Variants in VIPR2 observed in about 807,000 individuals in gnomAD.
VIPR2 encodes vasoactive intestinal peptide receptor 2.
Under a neutral mutation model 58.0 loss-of-function variants are expected in VIPR2, and 48 were observed. That is an observed-to-expected ratio of 0.83 (90% CI 0.66 to 1.05). VIPR2 has a LOEUF of 1.05. Ranked by LOEUF, VIPR2 falls within the 50% of genes least tolerant of loss-of-function variation. The pLI is 0.00. For missense variants in VIPR2, 534 were observed against 558.0 expected (o/e 0.96, Z 0.43); for synonymous variants, 243 against 235.2 (o/e 1.03, Z -0.30).
chr7:159,140,754 C>T (rs1359093057), intron 2 of VIPR2, among the ~76,000 whole-genome samples: 2 of 152,172 alleles, frequency 1.3e-5, no homozygotes, highest in Non-Finnish European at 2.9e-5. Context: ...GACCTGCGGC[C>T]CCTAGCGCCC....
chr7:159,137,864 T>C (rs1424660212), intron 2 of VIPR2, among the ~76,000 whole-genome samples: 1 of 152,172 alleles, frequency 6.6e-6, no homozygotes, highest in Non-Finnish European at 1.5e-5. Context: ...AGGACCTACT[T>C]ATATCAGAAA....
At chr7:159,126,285 C>A (rs1424156247) in intron 2 of VIPR2, among the ~76,000 whole-genome samples, 2 of 152,210 alleles carry the variant, frequency 1.3e-5, no homozygotes, top group Non-Finnish European at 2.9e-5. Flanking sequence ...TACAAATCTA[C>A]CAAATGAAGG....
At chr7:159,094,402 C>T (rs1327872940) in intron 4 of VIPR2, among the ~76,000 whole-genome samples, 1 of 152,250 alleles carries the variant, frequency 6.6e-6, no homozygotes, top group African/African-American at 2.4e-5. Flanking sequence ...AAGCTCAGCC[C>T]TCAGGAGCCC....
In VIPR2 at chr7:159,028,764, C is replaced by T. The variant is rs541301051; in HGVS notation, c.*1852G>A. On this transcript the variant is annotated 3_prime_UTR_variant, in exon 13 of 13. Coordinates refer to ENST00000262178, the MANE Select transcript of VIPR2 (RefSeq NM_003382.5). The stretch of plus-strand genomic sequence containing the variant: ...GCTCCACATGCTCAGCCGTCCTTTC[C>T]TGGGCACCTGGCCTGGGCCGTTTAC... 2 of 153,030 alleles carry T rather than the reference C, an allele frequency of 1.3e-5. No homozygotes were observed. The highest frequency in any genetic ancestry group is 2.4e-5 in the African/African-American group (1 of 41,600). The allele number at this position is 153,030 out of a possible 1,614,324, so 9.5% of individuals were successfully genotyped here.
intron 4 of VIPR2, among the ~76,000 whole-genome samples, chr7:159,085,442 C>G (rs150430880): frequency 6.6e-6 from 1 of 152,138 alleles, no homozygotes; most frequent in African/African-American, 2.4e-5. Context: ...ACTACAGGCA[C>G]GTGCCACCAC....
In VIPR2 at chr7:159,135,004, G is replaced by GTTTTTTGTTTT. The variant is rs1416758329; in HGVS notation, c.151+7441_151+7442insAAAACAAAAAA. On this transcript the variant is annotated intron_variant, in intron 2 of 12. Coordinates refer to ENST00000262178, the MANE Select transcript of VIPR2 (RefSeq NM_003382.5). ...TATTGGTCTTCTCTTAATTACAAAA[G>GTTTTTTGTTTT]TTTTTTTTTTTTTTTTTTTTTTTTT... Among the ~76,000 whole-genome samples, 4 of 65,992 alleles carry GTTTTTTGTTTT rather than the reference G, an allele frequency of 6.1e-5. No individual in the cohort carries two copies. In the Admixed American group the frequency reaches 6.6e-4, roughly 11 times the overall value. 43.3% of individuals were successfully genotyped at this position (65,992 alleles called of 152,430 possible).
At chr7:159,124,668 T>G (rs1417791796) in intron 2 of VIPR2, among the ~76,000 whole-genome samples, 1 of 152,210 alleles carries the variant, frequency 6.6e-6, no homozygotes, top group Non-Finnish European at 1.5e-5. Flanking sequence ...AGTTTTTTTC[T>G]AGTTCTGTGA....
chr7:159,097,103 G>A lies in VIPR2; in HGVS notation c.357+6654C>T, dbSNP rs1211402386. 1 of 1,503,864 alleles carries A rather than the reference G, an allele frequency of 6.6e-7. No homozygotes were observed. 93.2% of individuals were successfully genotyped at this position (1,503,864 alleles called of 1,614,324 possible). ...GGTGTGTCCTTGCAGGGTTGCAGGA[G>A]GGTTGGCGGGATGATCAGATGGTGC... is the stretch of plus-strand genomic sequence containing the variant. On this transcript the variant is annotated intron_variant, in intron 4 of 12. Coordinates refer to ENST00000262178, the MANE Select transcript of VIPR2 (RefSeq NM_003382.5). The surrounding 1 kb of genome is among the most constrained non-coding windows in gnomAD (Gnocchi z 5.3).
chr7:159,109,779 G>A (rs200630543), intron 3 of VIPR2, 33 bp downstream of exon 3: 1 of 1,593,978 alleles, frequency 6.3e-7, no homozygotes, highest in African/African-American at 1.3e-5. Context: ...AAACACCCTG[G>A]AGGAGCTCAG....
chr7:159,117,476 G>A (rs557380585), intron 2 of VIPR2: 15 of 710,262 alleles, frequency 2.1e-5, no homozygotes, highest in Admixed American at 1.6e-4. Context: ...AATGCAGGAC[G>A]TCATCTCAGA....
At position 159,067,005 on chromosome 7, in the gene VIPR2, T is replaced by C. The variant is rs575474078; in HGVS notation, c.358-8427A>G. Among the ~76,000 whole-genome samples the C allele has an allele frequency of 2.3e-3, 349 of 152,326 alleles. 1 individual carries two copies. Among genetic ancestry groups the C allele is most frequent in the African/African-American group, 8.0e-3 (333 of 41,572 alleles). On this transcript the variant is annotated intron_variant, in intron 4 of 12. Coordinates refer to ENST00000262178, the MANE Select transcript of VIPR2 (RefSeq NM_003382.5). ...GGCGCTCTCCAGCACGTGCCTGCCA[T>C]GTGCGGATACTGAGATCGAAGTTAA... is the stretch of plus-strand genomic sequence containing the variant.
intron 4 of VIPR2, among the ~76,000 whole-genome samples, chr7:159,080,236 G>A (rs1037340721): frequency 6.6e-5 from 10 of 152,204 alleles, no homozygotes; most frequent in East Asian, 3.9e-4. Flanking sequence ...CTGGCAAACC[G>A]AATCCAACAA....
chr7:159,053,846 C>A (rs1433661245), intron 5 of VIPR2, among the ~76,000 whole-genome samples: 2 of 152,152 alleles, frequency 1.3e-5, no homozygotes, highest in Admixed American at 1.3e-4. Context: ...ATGCAACCAG[C>A]CTGATTTTTT....
At position 159,031,675 on chromosome 7, in the gene VIPR2, G is replaced by T; in HGVS notation, c.1143+153C>A. ...AGTGGGTTTGCCTGTGTCGTTGTGG[G>T]TTCTCTGATGGGGACACAGAACTGT... On this transcript the variant is annotated intron_variant, in intron 12 of 12. Coordinates refer to ENST00000262178, the MANE Select transcript of VIPR2 (RefSeq NM_003382.5). This position sits in a 1 kb window ranked among gnomAD's most constrained non-coding sequence, Gnocchi z 4.0. The T allele has an allele frequency of 1.0e-6, 1 of 985,400 alleles. No homozygotes were observed. Among genetic ancestry groups the T allele is most frequent in the Non-Finnish European group, 1.2e-6 (1 of 829,928 alleles). 61.0% of individuals were successfully genotyped at this position (985,400 alleles called of 1,614,324 possible).
In VIPR2 at chr7:159,031,219, G is replaced by A. The variant is rs1318557652; in HGVS notation, c.1144-430C>T. Among the ~76,000 whole-genome samples the A allele has an allele frequency of 1.3e-5, 2 of 152,200 alleles. No individual in the cohort carries two copies. The highest frequency in any genetic ancestry group is 4.8e-5 in the African/African-American group (2 of 41,450). On this transcript the variant is annotated intron_variant, in intron 12 of 12. Coordinates refer to ENST00000262178, the MANE Select transcript of VIPR2 (RefSeq NM_003382.5). The surrounding 1 kb of genome is among the most constrained non-coding windows in gnomAD (Gnocchi z 4.0). ...TGAGGGGTGCCCGGACGGCAGAGGA[G>A]GGAGGAGGACAAGTGGCACTACTCG...
intron 4 of VIPR2, among the ~76,000 whole-genome samples, chr7:159,100,637 C>T (rs539514759): frequency 4.6e-5 from 7 of 152,384 alleles, no homozygotes; most frequent in South Asian, 4.1e-4. Context: ...CCCATAATTC[C>T]GACATGTGGG....
chr7:159,132,497 A>G (rs1431812944), intron 2 of VIPR2, among the ~76,000 whole-genome samples: 1 of 152,172 alleles, frequency 6.6e-6, no homozygotes, highest in African/African-American at 2.4e-5. Flanking sequence ...ATGTGAGAAA[A>G]ACAGGGAATT....
chr7:159,059,221 A>G (rs534831180), intron 4 of VIPR2: 4 of 471,088 alleles, frequency 8.5e-6, no homozygotes, highest in African/African-American at 6.0e-5. Flanking sequence ...GGAATCCTAC[A>G]CAAAAAGAAC....
At chr7:159,064,186 G>A (rs1275679473) in intron 4 of VIPR2, among the ~76,000 whole-genome samples, 1 of 152,104 alleles carries the variant, frequency 6.6e-6, no homozygotes, top group Non-Finnish European at 1.5e-5. Context: ...CTGCTGGGGT[G>A]GGAGAGGGGC....
Sources: allele counts gnomAD v4.1 joint callset (sites outside exome capture counted in the v4.1 genomes callset), GRCh38; gene constraint gnomAD v4.1.1; non-coding constraint Gnocchi (gnomAD v3.1); transcripts MANE v1.5; gene names NCBI Gene and HGNC (gene_info 2026-07-23, HGNC 2026-07-21).